Variants in PRKN observed in about 807,000 individuals in gnomAD.
PRKN encodes parkin RBR E3 ubiquitin protein ligase.
Under a neutral mutation model 59.5 loss-of-function variants are expected in PRKN, and 56 were observed. The ratio of observed to expected loss-of-function variants is 0.94; its 90% CI spans 0.76 to 1.18. PRKN has a LOEUF of 1.18. Among genes scored for constraint, PRKN ranks in the 50% most tolerant of loss-of-function variants. PRKN has a pLI of 0.00. For missense variants in PRKN, 657 were observed against 596.4 expected (o/e 1.10, Z -1.06); for synonymous variants, 250 against 222.1 (o/e 1.13, Z -1.12).
intron 2 of PRKN, among the ~76,000 whole-genome samples, chr6:162,316,167 C>T (rs913892491): frequency 9.2e-5 from 14 of 151,468 alleles, no homozygotes; most frequent in African/African-American, 2.2e-4. Flanking sequence ...GAAAAATGTG[C>T]GTGACTTAGG....
intron 6 of PRKN, among the ~76,000 whole-genome samples, chr6:161,967,434 G>A (rs1780624755): frequency 6.6e-6 from 1 of 152,186 alleles, no homozygotes; most frequent in Admixed American, 6.5e-5. Flanking sequence ...GAGCCTTGGA[G>A]ATGACCTACT....
intron 2 of PRKN, among the ~76,000 whole-genome samples, chr6:162,285,569 A>G (rs1489040387): frequency 2.6e-5 from 4 of 152,204 alleles, no homozygotes; most frequent in African/African-American, 7.2e-5. Context: ...TTGTTGAATG[A>G]ATGAATATCA....
In PRKN at chr6:161,505,304, T is replaced by C. The variant is rs376614070; in HGVS notation, c.1083+43550A>G. On this transcript the variant is annotated intron_variant, in intron 9 of 11. Coordinates refer to ENST00000366898, the MANE Select transcript of PRKN (RefSeq NM_004562.3). ...TGGTGAGCATTTTTTCATGTGTTTTTTGGCTGCATAAATGTCTTCTTTTGA... is the reference window on the plus strand; with the variant it reads ...TGGTGAGCATTTTTTCATGTGTTTTCTGGCTGCATAAATGTCTTCTTTTGA... Among the ~76,000 whole-genome samples the C allele has an allele frequency of 6.6e-5, 10 of 152,136 alleles. No individual in the cohort carries two copies. In the South Asian group the frequency reaches 2.1e-3, roughly 32 times the overall value.
intron 1 of PRKN, among the ~76,000 whole-genome samples, chr6:162,492,105 T>C (rs1308384131): frequency 1.3e-5 from 2 of 152,150 alleles, no homozygotes; most frequent in South Asian, 4.1e-4. Flanking sequence ...TGAAGTTCTT[T>C]TGGTCTCCTC....
At chr6:161,801,830 A>G (rs540165423) in intron 6 of PRKN, among the ~76,000 whole-genome samples, 1 of 152,220 alleles carries the variant, frequency 6.6e-6, no homozygotes, top group Non-Finnish European at 1.5e-5. Flanking sequence ...CGGGTGAACA[A>G]TGGGATGTAA....
chr6:161,873,233 C>G (rs926395675), intron 6 of PRKN, among the ~76,000 whole-genome samples: 1 of 151,940 alleles, frequency 6.6e-6, no homozygotes, highest in Non-Finnish European at 1.5e-5. Flanking sequence ...TGGAGCCTTT[C>G]CCGGGCCTGC....
At chr6:161,974,350 G>A (rs185078718) in intron 5 of PRKN, among the ~76,000 whole-genome samples, 79 of 152,138 alleles carry the variant, frequency 5.2e-4, no homozygotes, top group Admixed American at 2.7e-3. Context: ...AGACTCTGCC[G>A]CCCACCCTCT....
chr6:162,186,107 T>C (rs1407935156), intron 4 of PRKN, among the ~76,000 whole-genome samples: 2 of 152,142 alleles, frequency 1.3e-5, no homozygotes, highest in Admixed American at 6.5e-5. Flanking sequence ...CCAATTCACA[T>C]GGTTATTAAA....
Position 161,529,128 on chromosome 6 carries a change from G to T in PRKN, c.1083+19726C>A, listed in dbSNP as rs540152682. On this transcript the variant is annotated intron_variant, in intron 9 of 11. Transcript: ENST00000366898. This position sits in a 1 kb window ranked among gnomAD's most constrained non-coding sequence, Gnocchi z 4.4. ...GCCACAACCACAGACTCTACGCTGCGTTCCTCTCCCTAGTCACCGCATGCC... is the reference window on the plus strand; with the variant it reads ...GCCACAACCACAGACTCTACGCTGCTTTCCTCTCCCTAGTCACCGCATGCC... Among the ~76,000 whole-genome samples the T allele has an allele frequency of 8.5e-5, 13 of 152,158 alleles. No individual in the cohort carries two copies. The highest frequency in any genetic ancestry group is 8.8e-5 in the Non-Finnish European group (6 of 68,036).
At chr6:162,535,145 G>A (rs1453828687) in intron 1 of PRKN, among the ~76,000 whole-genome samples, 1 of 152,130 alleles carries the variant, frequency 6.6e-6, no homozygotes, top group African/African-American at 2.4e-5. Flanking sequence ...GTCCTTCACA[G>A]CAGTGCCAGT....
intron 4 of PRKN, among the ~76,000 whole-genome samples, chr6:162,110,643 A>G (rs1180405037): frequency 6.6e-6 from 1 of 152,214 alleles, no homozygotes; most frequent in East Asian, 1.9e-4. Context: ...ATGGTCTGAA[A>G]GCAGTATCCC....
chr6:162,403,785 A>G (rs7765120), intron 2 of PRKN, among the ~76,000 whole-genome samples: 6,318 of 152,268 alleles, frequency 0.041, 465 homozygotes, highest in African/African-American at 0.14. Context: ...TTGTAATTAC[A>G]TGGGCGGGGA....
Position 161,733,770 on chromosome 6 carries a change from G to GAAAA in PRKN, c.871+51998_871+52001dup, listed in dbSNP as rs71544915. 6.8e-3 allele frequency among the ~76,000 whole-genome samples: 694 copies of GAAAA among 102,222 alleles called. 18 individuals are homozygous for GAAAA. Among genetic ancestry groups the GAAAA allele is most frequent in the African/African-American group, 0.025 (575 of 22,944 alleles). 67.1% of individuals were successfully genotyped at this position (102,222 alleles called of 152,430 possible). A position where few individuals can be genotyped will look rare whatever the true frequency, so the allele number is the denominator to read the frequency against. ...GTATTGTTGAAAATTCCCAGGGGGT[G>GAAAA]AAAAAAAAAAAAAATATATATATAT... On this transcript the variant is annotated intron_variant, in intron 7 of 11. Transcript: ENST00000366898.
At chr6:162,654,947 A>T (rs573778545) in intron 1 of PRKN, among the ~76,000 whole-genome samples, 21 of 152,318 alleles carry the variant, frequency 1.4e-4, no homozygotes, top group African/African-American at 4.6e-4. Flanking sequence ...TTACTTAAAA[A>T]AAAAATCATA....
chr6:162,025,559 C>G (rs972477082), intron 5 of PRKN, among the ~76,000 whole-genome samples: 4 of 144,014 alleles, frequency 2.8e-5, no homozygotes, highest in Non-Finnish European at 4.5e-5. Flanking sequence ...ATTCTGTGAT[C>G]TCCCAGTGGC....
chr6:162,275,608 A>G (rs1780601997), intron 2 of PRKN, among the ~76,000 whole-genome samples: 1 of 152,108 alleles, frequency 6.6e-6, no homozygotes, highest in Admixed American at 6.5e-5. Flanking sequence ...AACATGGTGA[A>G]ACCCTGTCTC....
In PRKN at chr6:161,466,844, T is replaced by C. The variant is rs914268993; in HGVS notation, c.1084-79967A>G. 4.6e-5 allele frequency among the ~76,000 whole-genome samples: 7 copies of C among 152,228 alleles called. No individual in the cohort carries two copies. Among genetic ancestry groups the C allele is most frequent in the Non-Finnish European group, 1.0e-4 (7 of 68,036 alleles). On this transcript the variant is annotated intron_variant, in intron 9 of 11. Transcript: ENST00000366898. This position sits in a 1 kb window ranked among gnomAD's most constrained non-coding sequence, Gnocchi z 5.0. ...TCTTGGCAAGACTATGGTTCTCAGA[T>C]GGGCATACAAGCTTTTTCCTTTCTG...
At chr6:162,501,513 AATTT>A (rs1793371787) in intron 1 of PRKN, among the ~76,000 whole-genome samples, 1 of 126,570 alleles carries the variant, frequency 7.9e-6, no homozygotes, top group Non-Finnish European at 1.7e-5. Flanking sequence ...ACGCCTGGTT[AATTT>A]TTTTTTTTTT....
intron 4 of PRKN, among the ~76,000 whole-genome samples, chr6:162,167,678 A>G (rs1583139950): frequency 6.6e-6 from 1 of 152,140 alleles, no homozygotes; most frequent in East Asian, 1.9e-4. Context: ...CAAAGTAATG[A>G]AAAATGTATG....
Sources: allele counts gnomAD v4.1 joint callset (sites outside exome capture counted in the v4.1 genomes callset), GRCh38; gene constraint gnomAD v4.1.1; non-coding constraint Gnocchi (gnomAD v3.1); transcripts MANE v1.5; gene names NCBI Gene and HGNC (gene_info 2026-07-23, HGNC 2026-07-21).